LRMDA: variants seen among roughly 807,000 people sequenced by gnomAD.
LRMDA encodes leucine-rich melanocyte differentiation-associated protein.
Under a neutral mutation model 29.8 loss-of-function variants are expected in LRMDA, and 18 were observed. That is an observed-to-expected ratio of 0.60 (90% confidence interval 0.42 to 0.90). The LOEUF (loss-of-function observed/expected upper bound fraction) is 0.90, where lower values mean the gene tolerates loss of function less well. Ranked by LOEUF, LRMDA falls within the 40% of genes least tolerant of loss-of-function variation. LRMDA has a pLI of 0.00. For synonymous variants in LRMDA, 125 were observed against 109.4 expected (o/e 1.14, Z -0.89); for missense variants, 273 against 273.9 (o/e 1.00, Z 0.02).
chr10:75,846,257 C>T (rs1006387564), intron 2 of LRMDA, among the ~76,000 whole-genome samples: 18 of 149,776 alleles, frequency 1.2e-4, no homozygotes, highest in Admixed American at 6.0e-4. Context: ...ATAAGCAGAC[C>T]CCACCCAGCT....
chr10:76,260,773 T>C (rs1839928581), intron 5 of LRMDA: 1 of 152,200 alleles, frequency 6.6e-6, no homozygotes, highest in African/African-American at 2.4e-5. Context: ...TTATTAACTA[T>C]GTTTTCTGCA....
intron 2 of LRMDA, among the ~76,000 whole-genome samples, chr10:75,862,020 T>A (rs1844939188): frequency 6.6e-6 from 1 of 152,146 alleles, no homozygotes; most frequent in African/African-American, 2.4e-5. Context: ...ACGTTCCAAT[T>A]CATGCCACTA....
At chr10:76,518,173 G>A (rs1843080845) in intron 6 of LRMDA, among the ~76,000 whole-genome samples, 1 of 151,826 alleles carries the variant, frequency 6.6e-6, no homozygotes, top group Non-Finnish European at 1.5e-5. Flanking sequence ...GGACACACAT[G>A]TTTGAAGATA....
chr10:76,026,401 A>G (rs777806276), intron 2 of LRMDA, among the ~76,000 whole-genome samples: 3 of 152,216 alleles, frequency 2.0e-5, no homozygotes, highest in South Asian at 2.1e-4. Flanking sequence ...CTCTCTGGAC[A>G]TTAGTCATCT....
At chr10:76,484,444 A>ATAT (rs1842762357) in intron 6 of LRMDA, among the ~76,000 whole-genome samples, 1 of 151,898 alleles carries the variant, frequency 6.6e-6, no homozygotes, top group Admixed American at 6.6e-5. Context: ...CATGAACATG[A>ATAT]TATGGCTTTC....
intron 2 of LRMDA, among the ~76,000 whole-genome samples, chr10:75,987,924 C>G (rs1847289270): frequency 1.3e-5 from 2 of 152,210 alleles, no homozygotes; most frequent in Non-Finnish European, 2.9e-5. Context: ...CAGTGCAATG[C>G]AGAGCTGGTG....
At chr10:75,682,373 A>T (rs1769168443) in intron 2 of LRMDA, among the ~76,000 whole-genome samples, 2 of 152,146 alleles carry the variant, frequency 1.3e-5, no homozygotes. Context: ...GCATGAGAGA[A>T]GTTAAATAGG....
At chr10:75,536,750 G>A (rs112574939) in intron 2 of LRMDA, among the ~76,000 whole-genome samples, 2,266 of 152,158 alleles carry the variant, frequency 0.015, 62 homozygotes, top group African/African-American at 0.052. Flanking sequence ...GTAGAGATGG[G>A]GGTCTTGCTA....
chr10:75,511,806 T>C (rs554354154), intron 2 of LRMDA, among the ~76,000 whole-genome samples: 2 of 152,324 alleles, frequency 1.3e-5, no homozygotes, highest in South Asian at 4.1e-4. Flanking sequence ...TTCTAGATCA[T>C]GAGCTCCCCA....
At chr10:75,803,370 A>G (rs1157881156) in intron 2 of LRMDA, among the ~76,000 whole-genome samples, 1 of 152,252 alleles carries the variant, frequency 6.6e-6, no homozygotes, top group African/African-American at 2.4e-5. Context: ...ACATAGTATC[A>G]TTCGGCCTTT....
At chr10:75,945,816 C>G (rs7099845) in intron 2 of LRMDA, among the ~76,000 whole-genome samples, 4,911 of 151,280 alleles carry the variant, frequency 0.032, 151 homozygotes, top group African/African-American at 0.075. Flanking sequence ...AAATATGGCC[C>G]CTAGACCCTC....
chr10:76,014,298 A>G (rs1338121033), intron 2 of LRMDA, among the ~76,000 whole-genome samples: 1 of 151,600 alleles, frequency 6.6e-6, no homozygotes, highest in African/African-American at 2.4e-5. Flanking sequence ...ATTTACATAA[A>G]AAGTTTGCTG....
intron 2 of LRMDA, among the ~76,000 whole-genome samples, chr10:75,722,448 A>T (rs2132188913): frequency 6.6e-6 from 1 of 152,310 alleles, no homozygotes; most frequent in South Asian, 2.1e-4. Flanking sequence ...AGTAAATCAT[A>T]GTTCTATGTT....
chr10:75,858,554 G>A (rs918748790), intron 2 of LRMDA, among the ~76,000 whole-genome samples: 1 of 152,210 alleles, frequency 6.6e-6, no homozygotes, highest in African/African-American at 2.4e-5. Flanking sequence ...GCCATTGAGA[G>A]TGGGAGAGGC....
chr10:75,914,181 C>T lies in LRMDA; in HGVS notation c.132-121827C>T, dbSNP rs1414387669. On this transcript the variant is annotated intron_variant, in intron 2 of 6. Coordinates refer to ENST00000611255, the MANE Select transcript of LRMDA (RefSeq NM_001305581.2). ...TCAAAAATAGTCAAAACACATGCAA[C>T]GCATACTTGTAAAAGGATCAAAAAA... Among the ~76,000 whole-genome samples, 7 of 152,244 alleles carry T rather than the reference C, an allele frequency of 4.6e-5. No individual in the cohort carries two copies. The South Asian group carries it at 6.2e-4, about 14-fold the overall frequency.
At chr10:76,159,462 AAG>A in intron 5 of LRMDA, among the ~76,000 whole-genome samples, 1 of 152,290 alleles carries the variant, frequency 6.6e-6, no homozygotes, top group South Asian at 2.1e-4. Context: ...GCCACTTTGG[AAG>A]ATAGTTTGGT....
At chr10:76,135,555 A>G (rs72815528) in intron 5 of LRMDA, among the ~76,000 whole-genome samples, 131 of 152,310 alleles carry the variant, frequency 8.6e-4, no homozygotes, top group South Asian at 1.9e-3. Context: ...AAACAGCAGA[A>G]ATGTATTGTC....
intron 6 of LRMDA, among the ~76,000 whole-genome samples, chr10:76,480,185 TGA>T (rs1172533312): frequency 6.6e-6 from 1 of 151,942 alleles, no homozygotes; most frequent in African/African-American, 2.4e-5. Flanking sequence ...CTGAAATCCG[TGA>T]GTTTCTTTCA....
intron 5 of LRMDA, among the ~76,000 whole-genome samples, chr10:76,240,085 A>G (rs776111680): frequency 1.3e-5 from 2 of 151,960 alleles, no homozygotes; most frequent in Non-Finnish European, 2.9e-5. Flanking sequence ...AAGGACATGT[A>G]TAGACAATTC....
Sources: gnomAD v4.1 joint callset for allele counts (sites outside exome capture counted in the v4.1 genomes callset) on GRCh38, gnomAD v4.1.1 for gene constraint, MANE v1.5 for transcripts, NCBI Gene and HGNC (gene_info 2026-07-23, HGNC 2026-07-21) for gene names.